The following SRFBP1 variants were observed in gnomAD, a reference collection of about 807,000 sequenced individuals.
SRFBP1 encodes serum response factor-binding protein 1.
Under a neutral mutation model 45.5 loss-of-function variants are expected in SRFBP1, and 47 were observed. The ratio of observed to expected loss-of-function variants is 1.03; its 90% CI spans 0.82 to 1.32. SRFBP1 has a LOEUF of 1.32. SRFBP1 is among the 40% of genes most tolerant of loss of function. The pLI, the probability that SRFBP1 is intolerant of heterozygous loss-of-function variation, is 0.00. For missense variants in SRFBP1, 621 were observed against 484.6 expected, an observed-to-expected ratio of 1.28 and a Z score of -2.64; for synonymous variants, 203 against 166.3, an observed-to-expected ratio of 1.22 and a Z score of -1.70.
chr5:121,966,618 A>G (rs929939609), intron 1 of SRFBP1, among the ~76,000 whole-genome samples: 1 of 152,256 alleles, frequency 6.6e-6, no homozygotes. Context: ...TTGCAAAACT[A>G]GAGCTAGATT....
intron 4 of SRFBP1, among the ~76,000 whole-genome samples, chr5:122,004,505 A>T (rs370712091): frequency 4.6e-5 from 7 of 152,078 alleles, no homozygotes; most frequent in Admixed American, 1.3e-4. Context: ...TTCTATGGTC[A>T]TCAGTTGTAA....
chr5:122,006,819 T>C (rs960180150), intron 4 of SRFBP1, among the ~76,000 whole-genome samples: 2 of 152,076 alleles, frequency 1.3e-5, no homozygotes, highest in African/African-American at 4.8e-5. Flanking sequence ...AATTTGTTTC[T>C]GAATGTATTT....
chr5:121,966,995 G>A (rs191141240), intron 1 of SRFBP1, among the ~76,000 whole-genome samples: 118 of 135,766 alleles, frequency 8.7e-4, no homozygotes, highest in African/African-American at 2.9e-3. Context: ...GGGTTTCACC[G>A]TGTTAGCCAG....
chr5:122,062,394 A>G (rs1457965533), intron 2 of SRFBP1, among the ~76,000 whole-genome samples: 3 of 151,974 alleles, frequency 2.0e-5, no homozygotes, highest in African/African-American at 7.2e-5. Context: ...TAGAAGTATT[A>G]ACAAATGAGT....
intron 3 of SRFBP1, among the ~76,000 whole-genome samples, chr5:121,984,351 A>C (rs1431176828): frequency 6.6e-6 from 1 of 151,802 alleles, no homozygotes; most frequent in East Asian, 1.9e-4. Context: ...ATCTTCATAC[A>C]TACAGTACTT....
chr5:122,059,722 C>T (rs1353449352), intron 2 of SRFBP1, among the ~76,000 whole-genome samples: 1 of 152,070 alleles, frequency 6.6e-6, no homozygotes, highest in Non-Finnish European at 1.5e-5. Context: ...CCCCTCTACC[C>T]AGCCTTTGGA....
chr5:121,996,769 T>G (rs776068024), intron 4 of SRFBP1, among the ~76,000 whole-genome samples: 1 of 108,894 alleles, frequency 9.2e-6, no homozygotes, highest in Non-Finnish European at 1.8e-5. Flanking sequence ...AAAACCCCAT[T>G]GTCTCAGCCC....
At chr5:122,017,178 A>G (rs903077942) in intron 4 of SRFBP1, among the ~76,000 whole-genome samples, 4 of 152,158 alleles carry the variant, frequency 2.6e-5, no homozygotes, top group African/African-American at 9.7e-5. Flanking sequence ...GCAGTAAGCC[A>G]AGATCACGCT....
downstream of SRFBP1, chr5:122,075,624 A>T: frequency 1.1e-6 from 1 of 880,828 alleles, no homozygotes; most frequent in Non-Finnish European, 1.7e-6. Context: ...TCCATTATAT[A>T]GTAGTGACAA....
intron 1 of SRFBP1, among the ~76,000 whole-genome samples, chr5:121,963,124 G>A (rs1751984665): frequency 6.6e-6 from 1 of 152,232 alleles, no homozygotes; most frequent in African/African-American, 2.4e-5. Context: ...ATTCCAGGCA[G>A]AGGGACTGGT....
At chr5:122,013,149 A>C (rs532850999) in intron 4 of SRFBP1, among the ~76,000 whole-genome samples, 1 of 152,232 alleles carries the variant, frequency 6.6e-6, no homozygotes, top group East Asian at 1.9e-4. Flanking sequence ...CAGTGTTTAC[A>C]TTTATTTTGC....
chr5:121,981,046 C>T (rs568595420), intron 3 of SRFBP1, among the ~76,000 whole-genome samples: 1 of 152,184 alleles, frequency 6.6e-6, no homozygotes, highest in South Asian at 2.1e-4. Flanking sequence ...TCCAAGTAAG[C>T]TTGGTGGACC....
intron 4 of SRFBP1, 34 bp downstream of exon 4, chr5:121,994,704 A>G (rs771105177): frequency 1.0e-5 from 14 of 1,383,400 alleles, no homozygotes; most frequent in African/African-American, 1.5e-5. Flanking sequence ...TGTCTTATGA[A>G]AAGTTTCTCA....
intron 3 of SRFBP1, among the ~76,000 whole-genome samples, chr5:121,990,950 C>T (rs1752610472): frequency 6.6e-6 from 1 of 152,112 alleles, no homozygotes; most frequent in Non-Finnish European, 1.5e-5. Context: ...CTCTGCATAC[C>T]ATTTGTCTTT....
At chr5:121,982,636 G>T (rs1752433324) in intron 3 of SRFBP1, among the ~76,000 whole-genome samples, 1 of 151,836 alleles carries the variant, frequency 6.6e-6, no homozygotes, top group Non-Finnish European at 1.5e-5. Context: ...GCAGGCCTTT[G>T]TTGGCAAAAG....
chr5:122,019,203 T>C, intron 4 of SRFBP1, 57 bp from the exon 5 acceptor site: 1 of 1,407,404 alleles, frequency 7.1e-7, no homozygotes, highest in South Asian at 1.2e-5. Context: ...TTATTCACTT[T>C]CAATAGTGTC....
At chr5:121,985,652 A>G (rs1362014497) in intron 3 of SRFBP1, among the ~76,000 whole-genome samples, 1 of 151,952 alleles carries the variant, frequency 6.6e-6, no homozygotes, top group Non-Finnish European at 1.5e-5. Context: ...TAGTGTAACA[A>G]TTTATAATAC....
At chr5:121,977,430 T>C (rs1447510177) in intron 3 of SRFBP1, among the ~76,000 whole-genome samples, 2 of 152,150 alleles carry the variant, frequency 1.3e-5, no homozygotes, top group African/African-American at 4.8e-5. Context: ...ATATTTGCTG[T>C]TCTTACGTGT....
intron 2 of SRFBP1, among the ~76,000 whole-genome samples, chr5:122,037,649 C>G (rs1472171154): frequency 6.6e-6 from 1 of 152,038 alleles, no homozygotes; most frequent in Non-Finnish European, 1.5e-5. Flanking sequence ...TGCTAACACA[C>G]CTGGCTATTC....
Sources: gnomAD v4.1 joint callset for allele counts (sites outside exome capture counted in the v4.1 genomes callset) on GRCh38, gnomAD v4.1.1 for gene constraint, MANE v1.5 for transcripts, NCBI Gene and HGNC (gene_info 2026-07-23, HGNC 2026-07-21) for gene names.